HSD17B2: variants seen among roughly 807,000 people sequenced by gnomAD.
HSD17B2 encodes hydroxysteroid 17-beta dehydrogenase 2, also known as 17-beta-hydroxysteroid dehydrogenase type 2.
Under a neutral mutation model 26.9 loss-of-function variants are expected in HSD17B2, and 32 were observed. That is an observed-to-expected ratio of 1.19 (90% CI 0.90 to 1.60). HSD17B2 has a LOEUF of 1.60. Ranked by LOEUF, HSD17B2 falls within the 40% of genes most tolerant of loss-of-function variation. The pLI, the probability that HSD17B2 is intolerant of heterozygous loss-of-function variation, is 0.00. For missense variants in HSD17B2, 613 were observed against 468.6 expected, an observed-to-expected ratio of 1.31 and a Z score of -2.85; for synonymous variants, 246 against 186.7, an observed-to-expected ratio of 1.32 and a Z score of -2.59.
chr16:82,096,177 T>C (rs1904833429), intron 4 of HSD17B2: 1 of 152,206 alleles, frequency 6.6e-6, no homozygotes, highest in South Asian at 2.1e-4. Flanking sequence ...AAAACATAAA[T>C]GAAAATTATA....
Position 82,035,373 on chromosome 16 carries a change from C to A in HSD17B2, c.-52C>A. The A allele has an allele frequency of 1.3e-6, 2 of 1,560,528 alleles. No homozygotes were observed. Among genetic ancestry groups the A allele is most frequent in the Non-Finnish European group, 8.7e-7 (1 of 1,149,996 alleles). ...TCAGGCTGCCTCCAGCCAGCCTTTGCCCGCTAGACTCACTGGCCCTGAGCA... is the reference window on the plus strand; with the variant it reads ...TCAGGCTGCCTCCAGCCAGCCTTTGACCGCTAGACTCACTGGCCCTGAGCA... On this transcript the variant is annotated 5_prime_UTR_variant, in exon 1 of 5. It introduces an in-frame stop codon into an upstream open reading frame of the 5' UTR. Coordinates refer to ENST00000199936, the MANE Select transcript of HSD17B2 (RefSeq NM_002153.3).
At chr16:82,092,417 G>T (rs1358394897) in intron 4 of HSD17B2, 2 of 152,158 alleles carry the variant, frequency 1.3e-5, no homozygotes, top group Admixed American at 6.5e-5. Flanking sequence ...GATGTAAAAA[G>T]TATGTCTAAT....
At chr16:82,081,544 T>A (rs1904381000) in intron 3 of HSD17B2, among the ~76,000 whole-genome samples, 1 of 152,152 alleles carries the variant, frequency 6.6e-6, no homozygotes, top group South Asian at 2.1e-4. Flanking sequence ...ATAGCCTCTC[T>A]AAGCTCCACT....
At position 82,070,866 on chromosome 16, in the gene HSD17B2, G is replaced by C. The variant is rs1914680994; in HGVS notation, c.479-76G>C. The C allele has an allele frequency of 2.2e-6, 3 of 1,370,160 alleles. No individual in the cohort carries two copies. The East Asian group carries it at 6.9e-5, about 32-fold the overall frequency. 84.9% of individuals were successfully genotyped at this position (1,370,160 alleles called of 1,614,324 possible). A position where few individuals can be genotyped will look rare whatever the true frequency, so the allele number is the denominator to read the frequency against. ...GGCTCACACGTAACACCTCTTGCAT[G>C]GTCTTCCAGGTATTGCAGGTTGTGT... On this transcript the variant is annotated intron_variant, in intron 2 of 4. Coordinates refer to ENST00000199936, the MANE Select transcript of HSD17B2 (RefSeq NM_002153.3).
intron 1 of HSD17B2, among the ~76,000 whole-genome samples, chr16:82,058,421 G>A (rs908932186): frequency 3.9e-5 from 6 of 151,970 alleles, no homozygotes; most frequent in African/African-American, 7.3e-5. Flanking sequence ...GGGAACTCTC[G>A]GTACTAGCTT....
intron 3 of HSD17B2, chr16:82,071,610 T>A (rs1248103984): frequency 3.9e-6 from 1 of 259,356 alleles, no homozygotes; most frequent in Non-Finnish European, 7.5e-6. Context: ...GCAGCCTCAA[T>A]CCAGCTAGGT....
At chr16:82,063,146 C>T (rs1378962045) in intron 1 of HSD17B2, 3 of 152,120 alleles carry the variant, frequency 2.0e-5, no homozygotes, top group East Asian at 1.9e-4. Flanking sequence ...TTTCCCAAGG[C>T]TTGTAAGTGG....
chr16:82,070,130 A>G (rs999708214), intron 2 of HSD17B2, among the ~76,000 whole-genome samples: 2 of 152,022 alleles, frequency 1.3e-5, no homozygotes, highest in Non-Finnish European at 2.9e-5. Flanking sequence ...AACATGTCAA[A>G]TGTTGTTTTT....
chr16:82,060,847 C>T (rs937684500), intron 1 of HSD17B2, among the ~76,000 whole-genome samples: 1 of 152,162 alleles, frequency 6.6e-6, no homozygotes, highest in South Asian at 2.1e-4. Context: ...GCTGATTCAT[C>T]GCTGTGGCTA....
intron 1 of HSD17B2, among the ~76,000 whole-genome samples, chr16:82,062,270 G>C (rs1914461066): frequency 6.6e-6 from 1 of 152,164 alleles, no homozygotes; most frequent in South Asian, 2.1e-4. Context: ...CCTGTCCCAA[G>C]TTGATGGGTT....
At chr16:82,038,731 G>T (rs1913686860) in intron 1 of HSD17B2, among the ~76,000 whole-genome samples, 1 of 152,166 alleles carries the variant, frequency 6.6e-6, no homozygotes, top group Admixed American at 6.5e-5. Flanking sequence ...GGATTTGTGG[G>T]AAAGATTTAT....
Position 82,087,154 on chromosome 16 carries a change from G to C in HSD17B2, c.665-3748G>C, listed in dbSNP as rs879749375. Among the ~76,000 whole-genome samples, 9 of 152,256 alleles carry C rather than the reference G, an allele frequency of 5.9e-5. No homozygotes were observed. In the East Asian group the frequency reaches 1.7e-3, roughly 29 times the overall value. ...GGTGTGTTCTCTTAAGTTACCTAAT[G>C]TTAGGTTATTCAAAGTGTCTGAGTA... On this transcript the variant is annotated intron_variant, in intron 3 of 4. Coordinates refer to ENST00000199936, the MANE Select transcript of HSD17B2 (RefSeq NM_002153.3).
chr16:82,058,613 C>A (rs1482083883), intron 1 of HSD17B2, among the ~76,000 whole-genome samples: 1 of 152,160 alleles, frequency 6.6e-6, no homozygotes, highest in Admixed American at 6.5e-5. Flanking sequence ...CCTACCCCAC[C>A]CATTCCCACA....
chr16:82,049,047 T>C (rs1458315770), intron 1 of HSD17B2, among the ~76,000 whole-genome samples: 1 of 152,214 alleles, frequency 6.6e-6, no homozygotes, highest in East Asian at 1.9e-4. Context: ...TGAGCTTATA[T>C]GTTTCTGTTC....
chr16:82,077,118 T>C (rs1904306595), intron 3 of HSD17B2, among the ~76,000 whole-genome samples: 1 of 152,164 alleles, frequency 6.6e-6, no homozygotes, highest in African/African-American at 2.4e-5. Context: ...TTCAATGCAA[T>C]CCATATCCAA....
Position 82,068,180 on chromosome 16 carries a change from C to T in HSD17B2, c.276C>T (p.Cys92=), listed in dbSNP as rs148579309. ...CCTGACCCTATGCAGGTGGTGATTG[C>T]GGGCTTGGCCATGCTTTGTGCAAGT... ...QKAVLVTGGD[C]GLGHALCKYL... The change falls in exon 2 of 5, where the codon TGC becomes TGT. Residue 92 remains cysteine, a synonymous_variant. Transcript: ENST00000199936. The T allele has an allele frequency of 8.1e-5, 131 of 1,614,116 alleles. No individual in the cohort carries two copies. The highest frequency in any genetic ancestry group is 6.6e-4 in the Middle Eastern group (4 of 6,060).
At chr16:82,056,175 A>C (rs776980659) in intron 1 of HSD17B2, among the ~76,000 whole-genome samples, 10 of 152,178 alleles carry the variant, frequency 6.6e-5, no homozygotes, top group Non-Finnish European at 1.3e-4. Flanking sequence ...CATCTTTCCC[A>C]TGAAAAAAAG....
At chr16:82,088,793 A>G (rs1333644320) in intron 3 of HSD17B2, among the ~76,000 whole-genome samples, 1 of 152,228 alleles carries the variant, frequency 6.6e-6, no homozygotes, top group African/African-American at 2.4e-5. Context: ...GCTTGATGCC[A>G]GACATCGTGT....
chr16:82,096,913 C>T (rs563555260), intron 4 of HSD17B2: 1 of 152,200 alleles, frequency 6.6e-6, no homozygotes, highest in Admixed American at 6.5e-5. Context: ...TGTTCAAAAC[C>T]AGCCAAGATG....
Sources: allele counts gnomAD v4.1 joint callset (sites outside exome capture counted in the v4.1 genomes callset), GRCh38; gene constraint gnomAD v4.1.1; transcripts MANE v1.5; gene names NCBI Gene and HGNC (gene_info 2026-07-23, HGNC 2026-07-21).